Variants in PCDHAC1 observed in about 807,000 individuals in gnomAD.
PCDHAC1 encodes protocadherin alpha-C1.
In PCDHAC1, 42 loss-of-function variants were observed where a neutral mutation model predicts 60.0. The observed-to-expected ratio is 0.70, with a 90% CI of 0.55 to 0.90. The LOEUF (loss-of-function observed/expected upper bound fraction) is 0.90, where lower values mean the gene tolerates loss of function less well. PCDHAC1 is among the 40% of genes least tolerant of loss of function. The pLI is 0.00. For missense variants in PCDHAC1, 1,160 were observed against 1,222.3 expected, an observed-to-expected ratio of 0.95 and a Z score of 0.76; for synonymous variants, 468 against 499.3, an observed-to-expected ratio of 0.94 and a Z score of 0.84.
intron 3 of PCDHAC1, among the ~76,000 whole-genome samples, chr5:141,007,992 C>T (rs1215200964): frequency 1.3e-5 from 2 of 152,132 alleles, no homozygotes; most frequent in Admixed American, 6.5e-5. Context: ...ATGAAATGTA[C>T]ATGTTAATAA....
chr5:140,992,393 A>C (rs2097508684), intron 3 of PCDHAC1, among the ~76,000 whole-genome samples: 1 of 152,180 alleles, frequency 6.6e-6, no homozygotes, highest in South Asian at 2.1e-4. Context: ...TTCTGGACTT[A>C]GAGATATTGT....
chr5:140,936,054 G>A (rs1198755229), intron 1 of PCDHAC1, among the ~76,000 whole-genome samples: 2 of 151,770 alleles, frequency 1.3e-5, no homozygotes, highest in Non-Finnish European at 1.5e-5. Flanking sequence ...CACCACACCC[G>A]GCTAATTTTT....
Position 140,928,157 on chromosome 5 carries a change from C to T in PCDHAC1, c.1265C>T (p.Ser422Leu), listed in dbSNP as rs782528366. 5.6e-6 allele frequency: 9 copies of T among 1,614,200 alleles called. No homozygotes were observed. Among genetic ancestry groups the T allele is most frequent in the Non-Finnish European group, 7.6e-6 (9 of 1,180,046 alleles). Reference sequence around the variant, plus strand: ...CTGATCACGGCCTCAGATAGTGGCTCACCCCCACTTAGCACCCGAAGGACA... The same window carrying T: ...CTGATCACGGCCTCAGATAGTGGCTTACCCCCACTTAGCACCCGAAGGACA... ...QVLITASDSG[S>L]PPLSTRRTIT... The change falls in exon 1 of 4, where the codon TCA (serine) becomes TTA (leucine). Residue 422 changes from serine (S) to leucine (L), a missense_variant. By Grantham distance (145) the Ser-to-Leu change is moderately radical. Transcript: ENST00000253807.
At chr5:140,937,284 G>A (rs1473374286) in intron 1 of PCDHAC1, among the ~76,000 whole-genome samples, 2 of 151,964 alleles carry the variant, frequency 1.3e-5, no homozygotes, top group South Asian at 2.1e-4. Context: ...TGATTCACCC[G>A]CTTCGGCCTC....
intron 1 of PCDHAC1, among the ~76,000 whole-genome samples, chr5:140,941,198 TC>T (rs2092794663): frequency 1.7e-5 from 2 of 119,812 alleles, no homozygotes; most frequent in African/African-American, 6.9e-5. Context: ...TTTTTTTCTT[TC>T]TTCCTTTCTT....
rs1268539055 is a variant in PCDHAC1 at position 140,926,370 on chromosome 5, A to G, written c.-523A>G. ...GCGCGGCTCCCAAAGGGCGGCAGGAAGAGCCCAGCTGGGCTCAGCCACAGT... is the reference window on the plus strand; with the variant it reads ...GCGCGGCTCCCAAAGGGCGGCAGGAGGAGCCCAGCTGGGCTCAGCCACAGT... On this transcript the variant is annotated 5_prime_UTR_variant, in exon 1 of 4. Coordinates refer to ENST00000253807, the MANE Select transcript of PCDHAC1 (RefSeq NM_018898.5). The G allele has an allele frequency of 6.6e-6, 1 of 152,298 alleles. No homozygotes were observed. Among genetic ancestry groups the G allele is most frequent in the African/African-American group, 2.4e-5 (1 of 41,450 alleles). The allele number at this position is 152,298 out of a possible 1,614,324, so 9.4% of individuals were successfully genotyped here.
intron 3 of PCDHAC1, among the ~76,000 whole-genome samples, chr5:141,000,387 CTCTCTCTCTATATATATATA>C (rs1348939997): frequency 1.5e-5 from 1 of 66,898 alleles, no homozygotes; most frequent in Non-Finnish European, 2.8e-5. Context: ...CTCTCTCTCT[CTCTCTCTCTATATATATATA>C]TATATATATA....
intron 3 of PCDHAC1, among the ~76,000 whole-genome samples, chr5:141,000,500 T>A (rs1440390927): frequency 5.7e-5 from 8 of 140,516 alleles, no homozygotes; most frequent in Non-Finnish European, 1.2e-4. Context: ...AGATCTCGGC[T>A]CACTGCAACC....
chr5:140,989,237 A>C (rs2097333860), intron 3 of PCDHAC1, among the ~76,000 whole-genome samples: 1 of 152,172 alleles, frequency 6.6e-6, no homozygotes, highest in African/African-American at 2.4e-5. Flanking sequence ...CTGAAGTTTT[A>C]AGCCCCTTGT....
At chr5:141,002,682 G>A (rs536105955) in intron 3 of PCDHAC1, among the ~76,000 whole-genome samples, 51 of 152,256 alleles carry the variant, frequency 3.3e-4, no homozygotes, top group African/African-American at 1.0e-3. Flanking sequence ...CCTATACGAC[G>A]TGCAGATTTG....
chr5:140,996,141 A>G (rs1238682290), intron 3 of PCDHAC1, among the ~76,000 whole-genome samples: 1 of 152,182 alleles, frequency 6.6e-6, no homozygotes, highest in Admixed American at 6.5e-5. Context: ...TTCTCCCATT[A>G]TCTTGCCTTC....
At chr5:140,968,923 T>C in intron 1 of PCDHAC1, 1 of 1,614,212 alleles carries the variant, frequency 6.2e-7, no homozygotes, top group Non-Finnish European at 8.5e-7. Flanking sequence ...CTTTTATATT[T>C]CTTTTGACAA....
rs375332226 is a variant in PCDHAC1 at position 141,003,567 on chromosome 5, ACTCCCAAAGTG to A, written c.2582-6057_2582-6047del. Among the ~76,000 whole-genome samples, 186 of 152,020 alleles carry A rather than the reference ACTCCCAAAGTG, an allele frequency of 1.2e-3. 1 individual carries two copies. Among genetic ancestry groups the A allele is most frequent in the African/African-American group, 4.1e-3 (172 of 41,464 alleles). On this transcript the variant is annotated intron_variant, in intron 3 of 3. Coordinates refer to ENST00000253807, the MANE Select transcript of PCDHAC1 (RefSeq NM_018898.5). ...GCTTCAAGTGATCCACCTGCCTCAGACTCCCAAAGTGCTGGGATTTTAGATGTGAGCCACCA... is the reference window on the plus strand; with the variant it reads ...GCTTCAAGTGATCCACCTGCCTCAGACTGGGATTTTAGATGTGAGCCACCA...
At chr5:140,969,161 G>A (rs782498682) in intron 1 of PCDHAC1, 1 of 1,614,156 alleles carries the variant, frequency 6.2e-7, no homozygotes, top group South Asian at 1.1e-5. Context: ...CTGTCTGACA[G>A]CAGGCTCAGG....
chr5:140,968,383 T>C, intron 1 of PCDHAC1: 1 of 1,614,044 alleles, frequency 6.2e-7, no homozygotes. Context: ...CCTTTGACTA[T>C]GAGAAGTTTC....
At chr5:140,978,914 C>T (rs2096828574) in intron 1 of PCDHAC1, 35 bp from the exon 2 acceptor site, 5 of 1,613,852 alleles carry the variant, frequency 3.1e-6, no homozygotes, top group Non-Finnish European at 3.4e-6. Flanking sequence ...ATTGTCTTGT[C>T]ATTTTAACAG....
intron 3 of PCDHAC1, among the ~76,000 whole-genome samples, chr5:141,000,411 A>T (rs2097918603): frequency 1.1e-5 from 1 of 94,870 alleles, no homozygotes; most frequent in African/African-American, 4.4e-5. Flanking sequence ...ATATATATAT[A>T]TATATATATA....
At chr5:140,970,948 C>T (rs1339410112) in intron 1 of PCDHAC1, among the ~76,000 whole-genome samples, 1 of 152,114 alleles carries the variant, frequency 6.6e-6, no homozygotes, top group Non-Finnish European at 1.5e-5. Context: ...TGCTGAGAAA[C>T]CATGGGAGGC....
intron 3 of PCDHAC1, among the ~76,000 whole-genome samples, chr5:141,006,150 G>A (rs1035867146): frequency 1.1e-4 from 16 of 151,274 alleles, no homozygotes; most frequent in Admixed American, 6.6e-5. Flanking sequence ...AAGCAGAGGA[G>A]TGATATAATC....
Sources: allele counts gnomAD v4.1 joint callset (sites outside exome capture counted in the v4.1 genomes callset), GRCh38; gene constraint gnomAD v4.1.1; transcripts MANE v1.5; gene names NCBI Gene and HGNC (gene_info 2026-07-23, HGNC 2026-07-21).